The following ST7 variants were observed in gnomAD, a reference collection of about 807,000 sequenced individuals.
The protein encoded by ST7 is suppression of tumorigenicity 7, also known as suppressor of tumorigenicity 7 protein.
In ST7, 28 loss-of-function variants were observed where a neutral mutation model predicts 78.7. That is an observed-to-expected ratio of 0.36 (90% CI 0.26 to 0.49). ST7 has a LOEUF of 0.49. ST7 is among the 20% of genes least tolerant of loss of function. ST7 has a pLI of 0.99. For missense variants in ST7, 418 were observed against 696.0 expected (o/e 0.60, Z 4.49); for synonymous variants, 247 against 249.6 (o/e 0.99, Z 0.10).
At chr7:117,184,124 G>A (rs933457463) in intron 10 of ST7, 11 of 152,170 alleles carry the variant, frequency 7.2e-5, no homozygotes, top group African/African-American at 2.4e-4. Context: ...TCTCCTTTCA[G>A]GAAAACATTT....
intron 1 of ST7, among the ~76,000 whole-genome samples, chr7:117,034,969 C>A (rs4730768): frequency 0.98 from 149,581 of 152,252 alleles, 73,542 homozygotes; most frequent in East Asian, 1. Context: ...AAGGGTGATC[C>A]GGAAACAGCA....
At position 116,976,137 on chromosome 7, in the gene ST7, A is replaced by G. The variant is rs181437649; in HGVS notation, c.151+22446A>G. 1.1e-4 allele frequency among the ~76,000 whole-genome samples: 16 copies of G among 152,074 alleles called. No individual in the cohort carries two copies. The East Asian group carries it at 3.1e-3, about 30-fold the overall frequency. On this transcript the variant is annotated intron_variant, in intron 1 of 15. Transcript: ENST00000323984. ...AAAATTAGCTGGGCGTGGTGGCAGG[A>G]GCCTGCAATCTCAGCTACTTGGGAG...
chr7:116,982,526 G>T (rs935277057), intron 1 of ST7, among the ~76,000 whole-genome samples: 1 of 152,010 alleles, frequency 6.6e-6, no homozygotes, highest in African/African-American at 2.4e-5. Flanking sequence ...CTTTTCTGTT[G>T]TATTCAGTGG....
At chr7:117,207,117 T>G (rs991918728) in intron 12 of ST7, among the ~76,000 whole-genome samples, 2 of 151,812 alleles carry the variant, frequency 1.3e-5, no homozygotes, top group African/African-American at 4.8e-5. Context: ...CCTGCCAGGT[T>G]GACTTGCCCT....
chr7:117,206,657 A>G (rs1332074722), intron 12 of ST7, among the ~76,000 whole-genome samples: 1 of 152,228 alleles, frequency 6.6e-6, no homozygotes. Context: ...TATTATATGT[A>G]GATGCTCTGG....
chr7:117,162,473 TTCCTCATCCATAGTGAATA>T (rs1408232756), intron 9 of ST7, among the ~76,000 whole-genome samples: 3 of 150,568 alleles, frequency 2.0e-5, no homozygotes, highest in South Asian at 2.1e-4. Flanking sequence ...TGATGGGATT[TTCCTCATCCATAGTGAATA>T]TCCGCACACG....
At chr7:116,994,470 G>A (rs1794561207) in intron 1 of ST7, among the ~76,000 whole-genome samples, 1 of 152,120 alleles carries the variant, frequency 6.6e-6, no homozygotes, top group Non-Finnish European at 1.5e-5. Context: ...ATGTTTAACT[G>A]ACCGGTGATT....
At chr7:116,968,565 A>T (rs79122957) in intron 1 of ST7, 1 of 333,184 alleles carries the variant, frequency 3.0e-6, no homozygotes, top group Admixed American at 3.2e-5. Flanking sequence ...AAATTCATTG[A>T]GTCATACTAT....
At chr7:117,032,863 T>C (rs1192301163) in intron 1 of ST7, among the ~76,000 whole-genome samples, 1 of 152,230 alleles carries the variant, frequency 6.6e-6, no homozygotes, top group Admixed American at 6.5e-5. Context: ...TCATCTATGC[T>C]GACTTTCTCA....
intron 9 of ST7, among the ~76,000 whole-genome samples, chr7:117,157,965 G>A (rs540325508): frequency 3.1e-4 from 47 of 152,268 alleles, no homozygotes; most frequent in Non-Finnish European, 4.9e-4. Context: ...GTTATAAATC[G>A]TTCTTTTCCC....
At chr7:117,014,967 T>G in intron 1 of ST7, 32 of 1,364,698 alleles carry the variant, frequency 2.3e-5, no homozygotes, top group Non-Finnish European at 3.0e-5. Context: ...GAGTTGTACT[T>G]GGAAAATACT....
At chr7:117,170,355 A>G (rs1807894424) in intron 9 of ST7, among the ~76,000 whole-genome samples, 1 of 152,248 alleles carries the variant, frequency 6.6e-6, no homozygotes, top group African/African-American at 2.4e-5. Context: ...TATTAATTAT[A>G]CTTTTAAGAA....
chr7:117,187,369 T>C (rs1809362059), intron 10 of ST7, among the ~76,000 whole-genome samples: 1 of 152,298 alleles, frequency 6.6e-6, no homozygotes, highest in East Asian at 1.9e-4. Flanking sequence ...TTTTTAAGCA[T>C]TTTTCTTGTG....
chr7:116,982,161 T>C (rs1365754067), intron 1 of ST7, among the ~76,000 whole-genome samples: 1 of 152,224 alleles, frequency 6.6e-6, no homozygotes, highest in Non-Finnish European at 1.5e-5. Context: ...GGTGCATGAC[T>C]GTATTCATTT....
At chr7:117,002,008 G>A (rs1794956006) in intron 1 of ST7, among the ~76,000 whole-genome samples, 2 of 152,002 alleles carry the variant, frequency 1.3e-5, no homozygotes, top group African/African-American at 4.8e-5. Flanking sequence ...GACGGATCAC[G>A]AGGTCAAGAG....
intron 10 of ST7, among the ~76,000 whole-genome samples, chr7:117,180,233 T>C (rs38871): frequency 0.13 from 19,137 of 152,162 alleles, 2,262 homozygotes; most frequent in African/African-American, 0.31. Flanking sequence ...TGTCAGGACC[T>C]ATGTAGCCCA....
chr7:117,170,755 A>G (rs938252595), intron 9 of ST7, 107 bp from the exon 10 acceptor site: 5 of 363,678 alleles, frequency 1.4e-5, no homozygotes, highest in African/African-American at 2.4e-5. Flanking sequence ...TTGTGTATAT[A>G]TATCCAAACC....
chr7:117,179,565 C>T (rs1391351674), intron 10 of ST7, among the ~76,000 whole-genome samples: 1 of 152,040 alleles, frequency 6.6e-6, no homozygotes, highest in East Asian at 1.9e-4. Flanking sequence ...GTGCTTGAGG[C>T]AAGGAAAGCA....
At chr7:117,131,210 C>G (rs1051504595) in intron 5 of ST7, among the ~76,000 whole-genome samples, 1 of 151,642 alleles carries the variant, frequency 6.6e-6, no homozygotes, top group Non-Finnish European at 1.5e-5. Flanking sequence ...CCTCTACACA[C>G]TCTAAAATAA....
Sources: gnomAD v4.1 joint callset for allele counts (sites outside exome capture counted in the v4.1 genomes callset) on GRCh38, gnomAD v4.1.1 for gene constraint, MANE v1.5 for transcripts, NCBI Gene and HGNC (gene_info 2026-07-23, HGNC 2026-07-21) for gene names.